The following KBTBD3 variants were observed in gnomAD, a reference collection of about 807,000 sequenced individuals.
KBTBD3 encodes kelch repeat and BTB domain-containing protein 3.
KBTBD3 carries 38 observed loss-of-function variants against 49.6 expected under a neutral mutation model. That is an observed-to-expected ratio of 0.77 (90% CI 0.59 to 1.00). The LOEUF (loss-of-function observed/expected upper bound fraction) is 1.00. Among genes scored for constraint, KBTBD3 ranks in the 50% least tolerant of loss-of-function variants. KBTBD3 has a pLI of 0.00. For missense variants in KBTBD3, 661 were observed against 712.0 expected (o/e 0.93, Z 0.81); for synonymous variants, 214 against 250.4 (o/e 0.85, Z 1.37).
At chr11:106,055,454 C>T (rs1307899393) in intron 3 of KBTBD3, among the ~76,000 whole-genome samples, 1 of 152,136 alleles carries the variant, frequency 6.6e-6, no homozygotes, top group Non-Finnish European at 1.5e-5. Flanking sequence ...AAAAGTACAA[C>T]ATCCAACTGA....
intron 3 of KBTBD3, among the ~76,000 whole-genome samples, chr11:106,055,348 G>A (rs1009218173): frequency 6.6e-6 from 1 of 152,142 alleles, no homozygotes; most frequent in Admixed American, 6.6e-5. Flanking sequence ...TGTCCAGGAT[G>A]TCTTTCTGAG....
intron 2 of KBTBD3, among the ~76,000 whole-genome samples, chr11:106,070,885 T>C (rs1446814442): frequency 6.6e-6 from 1 of 152,066 alleles, no homozygotes; most frequent in East Asian, 1.9e-4. Flanking sequence ...TAAAAATGGA[T>C]GAAGTGTTGA....
intron 2 of KBTBD3, among the ~76,000 whole-genome samples, chr11:106,069,734 A>G (rs932730345): frequency 6.6e-6 from 1 of 152,072 alleles, no homozygotes; most frequent in Non-Finnish European, 1.5e-5. Flanking sequence ...AAATCCTGGC[A>G]CAATTTTTTG....
At chr11:106,054,584 CTAAT>C (rs913825870) in intron 3 of KBTBD3, 129 bp from the exon 4 acceptor site, 6 of 462,876 alleles carry the variant, frequency 1.3e-5, no homozygotes, top group East Asian at 3.8e-5. Flanking sequence ...TAATTGCCTC[CTAAT>C]TAATATCTAG....
At position 106,053,937 on chromosome 11, in the gene KBTBD3, A is replaced by G. The variant is rs774903673; in HGVS notation, c.752T>C (p.Leu251Pro). The change falls in exon 4 of 4, where the codon CTT (leucine) becomes CCT (proline). Residue 251 changes from leucine to proline, a missense_variant. Transcript: ENST00000531837. ...CTCTTCATTGAACAGACAGTCCTGA[A>G]GTGTCTCCTCAGATAACTGATGTAA... ...VRLHQLSEET[L>P]QDCLFNEESL... 5.6e-6 allele frequency: 9 copies of G among 1,613,850 alleles called. No individual in the cohort carries two copies. The highest frequency in any genetic ancestry group is 1.7e-5 in the Admixed American group (1 of 59,980).
chr11:106,065,429 G>A (rs1007597626), intron 2 of KBTBD3, among the ~76,000 whole-genome samples: 5 of 152,226 alleles, frequency 3.3e-5, no homozygotes, highest in African/African-American at 4.8e-5. Flanking sequence ...ATGACACAAA[G>A]TGAGCAAGGT....
Position 106,059,128 on chromosome 11 carries a change from C to A in KBTBD3, c.-12-19G>T. Reference sequence around the variant, plus strand: ...CTTAGAACTAGAATAAAAACAAAATCACCGATGTAGTAGAGACCTAATGCA... The same window carrying A: ...CTTAGAACTAGAATAAAAACAAAATAACCGATGTAGTAGAGACCTAATGCA... On this transcript the variant is annotated intron_variant, in intron 2 of 3. Coordinates refer to ENST00000531837, the MANE Select transcript of KBTBD3 (RefSeq NM_198439.3). 1 of 1,421,974 alleles carries A rather than the reference C, an allele frequency of 7.0e-7. No individual in the cohort carries two copies. Among genetic ancestry groups the A allele is most frequent in the Non-Finnish European group, 9.5e-7 (1 of 1,052,816 alleles). 88.1% of individuals were successfully genotyped at this position (1,421,974 alleles called of 1,614,324 possible).
In KBTBD3 at chr11:106,054,423, T is replaced by C. The variant is rs766432423; in HGVS notation, c.266A>G (p.Asp89Gly). The C allele has an allele frequency of 6.4e-7, 1 of 1,570,084 alleles. No homozygotes were observed. Among genetic ancestry groups the C allele is most frequent in the Non-Finnish European group, 8.7e-7 (1 of 1,155,726 alleles). Residue 89 changes from aspartate to glycine, a missense_variant, in exon 4 of 4, where the codon GAT becomes GGT. Coordinates refer to ENST00000531837, the MANE Select transcript of KBTBD3 (RefSeq NM_198439.3). Reference sequence around the variant, plus strand: ...ATTAGTAATGGTAACACTTCCATCATCTCTTTCTTTCATGTTTACTTCAAA... The same window carrying C: ...ATTAGTAATGGTAACACTTCCATCACCTCTTTCTTTCATGTTTACTTCAAA... ...AMFEVNMKER[D>G]DGSVTITNLS...
At chr11:106,058,572 C>T (rs1031584596) in intron 3 of KBTBD3, among the ~76,000 whole-genome samples, 2 of 151,684 alleles carry the variant, frequency 1.3e-5, no homozygotes, top group African/African-American at 2.4e-5. Context: ...TACAGGCGCA[C>T]GCCATTGCGA....
chr11:106,054,034 C>T lies in KBTBD3; in HGVS notation c.655G>A (p.Val219Ile). The change falls in exon 4 of 4, where the codon GTC becomes ATC. Residue 219 changes from valine to isoleucine, a missense_variant. Coordinates refer to ENST00000531837, the MANE Select transcript of KBTBD3 (RefSeq NM_198439.3). ...VPEEEMVLKV[V>I]LSWTKHNLES... ...AAGTTATGTTTAGTCCAACTAAGGA[C>T]AACTTTCAGTACCATTTCTTCTTCA... The T allele has an allele frequency of 6.2e-7, 1 of 1,613,728 alleles. No individual in the cohort carries two copies.
intron 2 of KBTBD3, among the ~76,000 whole-genome samples, chr11:106,069,139 G>C (rs964403179): frequency 4.6e-5 from 7 of 152,008 alleles, no homozygotes; most frequent in African/African-American, 1.7e-4. Flanking sequence ...CCTAAGATGA[G>C]GAAAACAGCA....
At chr11:106,075,467 T>C (rs1861008079) in intron 2 of KBTBD3, 1 of 152,174 alleles carries the variant, frequency 6.6e-6, no homozygotes, top group South Asian at 2.1e-4. Flanking sequence ...ACATTCTATT[T>C]TGCAAGATAA....
chr11:106,061,140 C>T (rs1476473679), intron 2 of KBTBD3, among the ~76,000 whole-genome samples: 1 of 152,190 alleles, frequency 6.6e-6, no homozygotes, highest in Non-Finnish European at 1.5e-5. Context: ...TTCTTCACAG[C>T]ATGACAGTCT....
At chr11:106,071,758 T>C (rs1226619674) in intron 2 of KBTBD3, among the ~76,000 whole-genome samples, 1 of 152,156 alleles carries the variant, frequency 6.6e-6, no homozygotes, top group East Asian at 1.9e-4. Flanking sequence ...CACTTATTAG[T>C]GACTCCTACT....
At chr11:106,055,256 T>C (rs1320090714) in intron 3 of KBTBD3, among the ~76,000 whole-genome samples, 1 of 152,128 alleles carries the variant, frequency 6.6e-6, no homozygotes, top group African/African-American at 2.4e-5. Flanking sequence ...AAACATAAAT[T>C]ATTTGGAAAT....
At chr11:106,073,207 C>T (rs1860953026) in intron 2 of KBTBD3, among the ~76,000 whole-genome samples, 1 of 150,562 alleles carries the variant, frequency 6.6e-6, no homozygotes, top group Admixed American at 6.6e-5. Flanking sequence ...AGTCCTCCCA[C>T]TTCATCCTCC....
At position 106,052,574 on chromosome 11, in the gene KBTBD3, T is replaced by G. The variant is rs934171927; in HGVS notation, c.*276A>C. On this transcript the variant is annotated 3_prime_UTR_variant, in exon 4 of 4. Transcript: ENST00000531837. ...ACAAATCTTTTATGGACAGAGTACTTTAAAAATCAAAGTGTCAGAGTCTAT... is the reference window on the plus strand; with the variant it reads ...ACAAATCTTTTATGGACAGAGTACTGTAAAAATCAAAGTGTCAGAGTCTAT... 4.6e-5 allele frequency: 15 copies of G among 322,726 alleles called. No individual in the cohort carries two copies. Among genetic ancestry groups the G allele is most frequent in the African/African-American group, 3.2e-4 (15 of 46,202 alleles). The allele number at this position is 322,726 out of a possible 1,614,324, so 20.0% of individuals were successfully genotyped here. A position where few individuals can be genotyped will look rare whatever the true frequency, so the allele number is the denominator to read the frequency against.
intron 3 of KBTBD3, chr11:106,057,695 T>G (rs1461042313): frequency 5.2e-6 from 1 of 193,510 alleles, no homozygotes; most frequent in African/African-American, 2.3e-5. Context: ...GAAGGTTGCT[T>G]AGAATTAGAA....
At position 106,052,634 on chromosome 11, in the gene KBTBD3, T is replaced by G; in HGVS notation, c.*216A>C. The G allele has an allele frequency of 2.2e-6, 1 of 461,948 alleles. No individual in the cohort carries two copies. The highest frequency in any genetic ancestry group is 3.8e-6 in the Non-Finnish European group (1 of 262,798). The allele number at this position is 461,948 out of a possible 1,614,324, so 28.6% of individuals were successfully genotyped here. A position where few individuals can be genotyped will look rare whatever the true frequency, so the allele number is the denominator to read the frequency against. On this transcript the variant is annotated 3_prime_UTR_variant, in exon 4 of 4. Transcript: ENST00000531837. ...TTTCATGTGAAAATACTAAGTATTC[T>G]GGATTCCCCAAGGTTAAATTATATT...
Sources: allele counts gnomAD v4.1 joint callset (sites outside exome capture counted in the v4.1 genomes callset), GRCh38; gene constraint gnomAD v4.1.1; transcripts MANE v1.5; gene names NCBI Gene and HGNC (gene_info 2026-07-23, HGNC 2026-07-21).